The following BTAF1 variants were observed in gnomAD, a reference collection of about 807,000 sequenced individuals.
The protein encoded by BTAF1 is TATA-binding protein-associated factor 172.
A neutral mutation model predicts 227.1 loss-of-function variants in BTAF1; 38 were observed. The observed-to-expected ratio is 0.17, with a 90% CI of 0.13 to 0.22. BTAF1 has a LOEUF of 0.22. BTAF1 is among the 10% of genes least tolerant of loss of function. The pLI is 1.00. For missense variants in BTAF1, 1,598 were observed against 2,204.0 expected (o/e 0.73, Z 5.51); for synonymous variants, 742 against 751.9 (o/e 0.99, Z 0.21).
chr10:91,982,075 C>A lies in BTAF1; in HGVS notation c.1906-8C>A. 6.2e-7 allele frequency: 1 copy of A among 1,603,838 alleles called. No homozygotes were observed. ...TCTTTATTGTTTTTTTTTCCCCTCC[C>A]TCTGTAGGAAAAAACAGGTGGTAAG... On this transcript the variant is annotated splice_polypyrimidine_tract_variant and splice_region_variant and intron_variant, in intron 16 of 37. Transcript: ENST00000265990.
At chr10:92,027,382 A>G (rs1851587337) in intron 37 of BTAF1, 82 bp downstream of exon 37, 2 of 1,324,694 alleles carry the variant, frequency 1.5e-6, no homozygotes, top group Non-Finnish European at 2.1e-6. Flanking sequence ...AAGGAGCAGC[A>G]AAATGCGTTT....
chr10:92,029,898 G>A lies in BTAF1; in HGVS notation c.*965G>A, dbSNP rs890662781. 2 of 152,468 alleles carry A rather than the reference G, an allele frequency of 1.3e-5. No homozygotes were observed. The highest frequency in any genetic ancestry group is 4.8e-5 in the African/African-American group (2 of 41,430). The allele number at this position is 152,468 out of a possible 1,614,324, so 9.4% of individuals were successfully genotyped here. ...GTACCTATCCTGCACCCAAAAAGGT[G>A]CCTGGTATTGGCACTAAAATCATGT... On this transcript the variant is annotated 3_prime_UTR_variant, in exon 38 of 38. Coordinates refer to ENST00000265990, the MANE Select transcript of BTAF1 (RefSeq NM_003972.3).
At position 91,966,990 on chromosome 10, in the gene BTAF1, C is replaced by T. The variant is rs939746121; in HGVS notation, c.1650+233C>T. ...TCATGCTTAACACATAGGAAGTCCT[C>T]AGTAAATGTTTGTTGAATGAGTGAT... On this transcript the variant is annotated intron_variant, in intron 14 of 37. Coordinates refer to ENST00000265990, the MANE Select transcript of BTAF1 (RefSeq NM_003972.3). Among the ~76,000 whole-genome samples, 173 of 152,140 alleles carry T rather than the reference C, an allele frequency of 1.1e-3. 1 individual carries two copies. Among genetic ancestry groups the T allele is most frequent in the Admixed American group, 0.011 (168 of 15,276 alleles).
At chr10:91,967,405 G>A (rs1846993499) in intron 14 of BTAF1, among the ~76,000 whole-genome samples, 1 of 152,058 alleles carries the variant, frequency 6.6e-6, no homozygotes, top group Admixed American at 6.6e-5. Context: ...CTAGATTTAG[G>A]GGATTATCAA....
At chr10:91,961,191 A>C (rs1428559050) in intron 11 of BTAF1, among the ~76,000 whole-genome samples, 1 of 152,176 alleles carries the variant, frequency 6.6e-6, no homozygotes, top group Non-Finnish European at 1.5e-5. Flanking sequence ...GAAGTAAAGG[A>C]GAGATTATGA....
At chr10:91,928,176 T>C (rs1844000732) in intron 1 of BTAF1, among the ~76,000 whole-genome samples, 1 of 152,178 alleles carries the variant, frequency 6.6e-6, no homozygotes, top group South Asian at 2.1e-4. Context: ...AATGCAAAAT[T>C]GATATGATGT....
At chr10:91,974,435 C>G (rs1847538850) in intron 14 of BTAF1, among the ~76,000 whole-genome samples, 1 of 152,134 alleles carries the variant, frequency 6.6e-6, no homozygotes, top group Non-Finnish European at 1.5e-5. Flanking sequence ...TTTATACTTC[C>G]CTGTGGCATA....
At chr10:91,996,182 A>T (rs1849134667) in intron 23 of BTAF1, among the ~76,000 whole-genome samples, 187 bp from the exon 24 acceptor site, 1 of 152,202 alleles carries the variant, frequency 6.6e-6, no homozygotes, top group African/African-American at 2.4e-5. Context: ...AAAGAGTTGT[A>T]ATACATTAAT....
chr10:91,991,752 C>G (rs1475358039), intron 20 of BTAF1, among the ~76,000 whole-genome samples: 1 of 148,034 alleles, frequency 6.8e-6, no homozygotes. Flanking sequence ...AAGACCCTGT[C>G]TCAGAAAAAA....
In BTAF1 at chr10:91,939,910, C is replaced by T. The variant is rs370708545; in HGVS notation, c.139-42C>T. On this transcript the variant is annotated intron_variant, in intron 2 of 37. Transcript: ENST00000265990. ...CTCTGTTCTGGCTACCTTGCGCAAACAATATTTTTGTATACGTAACTTTTA... is the reference window on the plus strand; with the variant it reads ...CTCTGTTCTGGCTACCTTGCGCAAATAATATTTTTGTATACGTAACTTTTA... 1.7e-4 allele frequency: 238 copies of T among 1,390,708 alleles called. 2 individuals are homozygous for T. Among genetic ancestry groups the T allele is most frequent in the Middle Eastern group, 1.8e-4 (1 of 5,586 alleles). 86.1% of individuals were successfully genotyped at this position (1,390,708 alleles called of 1,614,324 possible).
Position 92,008,076 on chromosome 10 carries a change from A to C in BTAF1, c.3661-47A>C, listed in dbSNP as rs971075959. Reference sequence around the variant, plus strand: ...TTGTGTTTATTTGATCTAAGAATGAAAACTGTGAGTACGTAGTTTTTAATA... The same window carrying C: ...TTGTGTTTATTTGATCTAAGAATGACAACTGTGAGTACGTAGTTTTTAATA... On this transcript the variant is annotated intron_variant, in intron 25 of 37. Coordinates refer to ENST00000265990, the MANE Select transcript of BTAF1 (RefSeq NM_003972.3). 4.7e-6 allele frequency: 7 copies of C among 1,493,844 alleles called. No homozygotes were observed. The African/African-American group carries it at 8.7e-5, about 19-fold the overall frequency. The allele number at this position is 1,493,844 out of a possible 1,614,324, so 92.5% of individuals were successfully genotyped here. A position where few individuals can be genotyped will look rare whatever the true frequency, so the allele number is the denominator to read the frequency against.
Position 92,026,601 on chromosome 10 carries a change from T to C in BTAF1, c.5085T>C (p.Asn1695=), listed in dbSNP as rs1249856945. 2 of 1,611,314 alleles carry C rather than the reference T, an allele frequency of 1.2e-6. No homozygotes were observed. Among genetic ancestry groups the C allele is most frequent in the Non-Finnish European group, 1.7e-6 (2 of 1,178,478 alleles). ...QRHSIVSRFN[N]DPSIDVLLLT... is the part of the protein sequence containing the mutation. Reference sequence around the variant, plus strand: ...TGTTATCTACTTTTAGGTTTAATAATGATCCATCTATAGACGTTCTGTTAC... The same window carrying C: ...TGTTATCTACTTTTAGGTTTAATAACGATCCATCTATAGACGTTCTGTTAC... Residue 1695 remains asparagine, a synonymous_variant, in exon 36 of 38, where the codon AAT becomes AAC. Coordinates refer to ENST00000265990, the MANE Select transcript of BTAF1 (RefSeq NM_003972.3).
At chr10:92,005,894 CAG>C (rs985004644) in intron 25 of BTAF1, among the ~76,000 whole-genome samples, 1 of 149,002 alleles carries the variant, frequency 6.7e-6, no homozygotes, top group African/African-American at 2.5e-5. Context: ...TTCCTTGAAA[CAG>C]GGTTTCACTC....
intron 24 of BTAF1, chr10:91,996,991 A>T: frequency 1.5e-6 from 1 of 659,130 alleles, no homozygotes; most frequent in Non-Finnish European, 2.3e-6. Context: ...AAATGACCAT[A>T]TTATACTAGA....
At chr10:91,988,725 C>A (rs1313411700) in intron 19 of BTAF1, among the ~76,000 whole-genome samples, 5 of 152,206 alleles carry the variant, frequency 3.3e-5, no homozygotes, top group Non-Finnish European at 7.3e-5. Flanking sequence ...AACAGCCACT[C>A]TTAAGTTTTC....
chr10:91,980,311 A>G lies in BTAF1; in HGVS notation c.1651-143A>G, dbSNP rs901897413. Reference sequence around the variant, plus strand: ...GTGTTGTTGCCTCAAAATCTTGTCAAAGTTTATCACCTGTTTAGCCTTTTT... The same window carrying G: ...GTGTTGTTGCCTCAAAATCTTGTCAGAGTTTATCACCTGTTTAGCCTTTTT... On this transcript the variant is annotated intron_variant, in intron 14 of 37. Transcript: ENST00000265990. 3 of 591,624 alleles carry G rather than the reference A, an allele frequency of 5.1e-6. No homozygotes were observed. The African/African-American group carries it at 5.6e-5, about 11-fold the overall frequency. 36.6% of individuals were successfully genotyped at this position (591,624 alleles called of 1,614,324 possible). A position where few individuals can be genotyped will look rare whatever the true frequency, so the allele number is the denominator to read the frequency against.
intron 18 of BTAF1, among the ~76,000 whole-genome samples, chr10:91,983,572 A>G (rs1848205485): frequency 6.6e-6 from 1 of 152,196 alleles, no homozygotes; most frequent in Non-Finnish European, 1.5e-5. Context: ...TGTGCCTCTC[A>G]GACTTAGCAG....
chr10:91,944,625 C>A (rs1486127708), intron 4 of BTAF1, among the ~76,000 whole-genome samples: 1 of 152,202 alleles, frequency 6.6e-6, no homozygotes, highest in Non-Finnish European at 1.5e-5. Flanking sequence ...TTTTAGTATA[C>A]TCACAGGTAT....
At chr10:91,999,903 AAAG>A (rs1210357605) in intron 25 of BTAF1, among the ~76,000 whole-genome samples, 1 of 152,206 alleles carries the variant, frequency 6.6e-6, no homozygotes, top group Non-Finnish European at 1.5e-5. Flanking sequence ...AAAGAAAAAT[AAAG>A]AAATTACCAT....
Sources: allele counts gnomAD v4.1 joint callset (sites outside exome capture counted in the v4.1 genomes callset), GRCh38; gene constraint gnomAD v4.1.1; transcripts MANE v1.5; gene names NCBI Gene and HGNC (gene_info 2026-07-23, HGNC 2026-07-21).